KNSTRN: variants seen among roughly 807,000 people sequenced by gnomAD.
KNSTRN encodes the protein kinetochore localized astrin (SPAG5) binding protein, also known as small kinetochore-associated protein.
A neutral mutation model predicts 44.7 loss-of-function variants in KNSTRN; 38 were observed. The observed-to-expected ratio is 0.85, with a 90% CI of 0.66 to 1.11. The LOEUF is 1.11. Among genes scored for constraint, KNSTRN ranks in the 50% most tolerant of loss-of-function variants. The pLI, the probability that KNSTRN is intolerant of heterozygous loss-of-function variation, is 0.00. For missense variants in KNSTRN, 406 were observed against 375.8 expected, an observed-to-expected ratio of 1.08 and a Z score of -0.66; for synonymous variants, 158 against 148.1, an observed-to-expected ratio of 1.07 and a Z score of -0.48.
intron 2 of KNSTRN, 24 bp downstream of exon 2, chr15:40,383,346 G>A (rs377182296): frequency 1.3e-5 from 21 of 1,580,270 alleles, no homozygotes; most frequent in Non-Finnish European, 1.8e-5. Flanking sequence ...CCACGCCCGG[G>A]GCACTGCGGC....
In KNSTRN at chr15:40,393,941, C is replaced by G. The variant is rs137878630; in HGVS notation, c.*344C>G. The G allele has an allele frequency of 3.5e-4, 63 of 178,346 alleles. No individual in the cohort carries two copies. Among genetic ancestry groups the G allele is most frequent in the Admixed American group, 5.8e-4 (10 of 17,156 alleles). The allele number at this position is 178,346 out of a possible 1,614,324, so 11.0% of individuals were successfully genotyped here. A position where few individuals can be genotyped will look rare whatever the true frequency, so the allele number is the denominator to read the frequency against. ...CCAACAACCAGAGGATCTAAAATGT[C>G]ACATTCAGATTTTCAGGAAGAAAAT... is the stretch of plus-strand genomic sequence containing the variant. On this transcript the variant is annotated 3_prime_UTR_variant, in exon 9 of 9. Transcript: ENST00000249776.
rs1443279758 is a variant in KNSTRN at position 40,389,609 on chromosome 15, CA to C, written c.590del (p.Gln197ArgfsTer4). Reference sequence around the variant, plus strand: ...GTTGCACCAGAAGTTGACTGAAACTCAGGTAAGAGACCCACCAGAGCTCTGT... The same window carrying C: ...GTTGCACCAGAAGTTGACTGAAACTCGGTAAGAGACCCACCAGAGCTCTGT... The part of the protein sequence containing the change: ...KQLHQKLTET[Q>X]GELKDLTQKV... On this transcript the variant is annotated frameshift_variant and splice_region_variant, in exon 5 of 9. Coordinates refer to ENST00000249776, the MANE Select transcript of KNSTRN (RefSeq NM_033286.4). LOFTEE classifies it high-confidence loss of function. The C allele has an allele frequency of 6.2e-7, 1 of 1,607,686 alleles. No homozygotes were observed. The highest frequency in any genetic ancestry group is 8.5e-7 in the Non-Finnish European group (1 of 1,174,198).
At chr15:40,385,758 C>T (rs1482810919) in intron 2 of KNSTRN, among the ~76,000 whole-genome samples, 1 of 152,178 alleles carries the variant, frequency 6.6e-6, no homozygotes, top group African/African-American at 2.4e-5. Context: ...GTTTTACCTG[C>T]TAACTTCCAC....
chr15:40,383,299 C>T lies in KNSTRN; in HGVS notation c.281C>T (p.Ala94Val). 6.2e-7 allele frequency: 1 copy of T among 1,612,842 alleles called. No individual in the cohort carries two copies. ...KTVYSLQPPS[A>V]LSGGQPADTQ... is the part of the protein sequence containing the mutation. ...GTGTATAGCCTGCAGCCCCCCTCTG[C>T]GCTGAGCGGCGGCCAGCCGGCAGGT... The change falls in exon 2 of 9, where the codon GCG becomes GTG. Residue 94 changes from alanine to valine, a missense_variant. Ala to Val is a moderately conservative substitution (Grantham distance 64). Coordinates refer to ENST00000249776, the MANE Select transcript of KNSTRN (RefSeq NM_033286.4).
intron 3 of KNSTRN, 72 bp from the exon 4 acceptor site, chr15:40,387,083 CTTTG>C: frequency 9.1e-7 from 1 of 1,102,092 alleles, no homozygotes; most frequent in Admixed American, 1.9e-5. Flanking sequence ...AACTCAAGCT[CTTTG>C]TTCTGCCTGT....
In KNSTRN at chr15:40,389,557, C is replaced by T. The variant is rs777168755; in HGVS notation, c.537C>T (p.Asn179=). ...CAGAGGAAGAGCTCAAGGACAAGAA[C>T]CAGCTGTTAGAAGCCGTCAACAAGC... ...QKSEEELKDK[N]QLLEAVNKQL... Residue 179 remains asparagine (N), a synonymous_variant, in exon 5 of 9, where the codon AAC becomes AAT. Transcript: ENST00000249776. 1.9e-6 allele frequency: 3 copies of T among 1,614,136 alleles called. No individual in the cohort carries two copies. Among genetic ancestry groups the T allele is most frequent in the Non-Finnish European group, 1.7e-6 (2 of 1,180,012 alleles).
rs527507182 is a variant in KNSTRN, at chr15:40,385,132, G to A, written c.305-1230G>A. On this transcript the variant is annotated intron_variant, in intron 2 of 8. Coordinates refer to ENST00000249776, the MANE Select transcript of KNSTRN (RefSeq NM_033286.4). ...TGCATTTCTTCAATTTGATTTGATT[G>A]TAATGGCTCTTAAGTTAGGTCAAAC... Among the ~76,000 whole-genome samples, 90 of 152,298 alleles carry A rather than the reference G, an allele frequency of 5.9e-4. 2 individuals carry two copies. The highest frequency in any genetic ancestry group is 2.1e-3 in the African/African-American group (86 of 41,558).
rs115344155 is a variant in KNSTRN at position 40,389,493 on chromosome 15, A to G, written c.486-13A>G. ...CCTTTTATCTTTTCATGTAAGTACA[A>G]CTATTATTACAGCTACAAACCACTG... is the stretch of plus-strand genomic sequence containing the variant. On this transcript the variant is annotated splice_polypyrimidine_tract_variant and intron_variant, in intron 4 of 8. Coordinates refer to ENST00000249776, the MANE Select transcript of KNSTRN (RefSeq NM_033286.4). The G allele has an allele frequency of 1.7e-3, 2,735 of 1,597,456 alleles. 45 individuals carry two copies. In the African/African-American group the frequency reaches 0.033, roughly 19 times the overall value.
intron 2 of KNSTRN, chr15:40,384,742 GAA>G (rs371749532): frequency 1.1e-4 from 18 of 163,212 alleles, no homozygotes; most frequent in South Asian, 4.0e-4. Context: ...ATGCACATGT[GAA>G]AAAAAAAAAG....
At chr15:40,389,707 C>T (rs1889966063) in intron 5 of KNSTRN, 96 bp downstream of exon 5, 2 of 1,285,608 alleles carry the variant, frequency 1.6e-6, no homozygotes, top group Admixed American at 1.8e-5. Context: ...CTTGTTAATG[C>T]ACAGATGCCC....
chr15:40,387,087 GT>G, intron 3 of KNSTRN, 71 bp from the exon 4 acceptor site: 1 of 1,128,528 alleles, frequency 8.9e-7, no homozygotes, highest in Non-Finnish European at 1.3e-6. Context: ...CAAGCTCTTT[GT>G]TCTGCCTGTT....
At chr15:40,387,259 A>G in intron 4 of KNSTRN, 53 bp downstream of exon 4, 3 of 1,351,720 alleles carry the variant, frequency 2.2e-6, no homozygotes, top group South Asian at 2.4e-5. Flanking sequence ...GTGGATCTCA[A>G]TCCTTGGTTC....
chr15:40,383,469 GT>G (rs1450930462), intron 2 of KNSTRN, 147 bp downstream of exon 2: 2 of 613,592 alleles, frequency 3.3e-6, no homozygotes, highest in East Asian at 5.5e-5. Context: ...GGCTATGTAG[GT>G]TTATGATGGG....
intron 8 of KNSTRN, among the ~76,000 whole-genome samples, chr15:40,392,290 CA>C (rs1431394314): frequency 6.6e-6 from 1 of 151,964 alleles, no homozygotes; most frequent in Non-Finnish European, 1.5e-5. Flanking sequence ...CAGATCATCC[CA>C]TCACCTAGGT....
intron 4 of KNSTRN, chr15:40,389,130 C>T: frequency 2.2e-6 from 1 of 454,112 alleles, no homozygotes; most frequent in Non-Finnish European, 4.4e-6. Flanking sequence ...GTTTGTGTAA[C>T]TCTGTAGGCC....
chr15:40,393,056 G>A, intron 8 of KNSTRN: 1 of 739,816 alleles, frequency 1.4e-6, no homozygotes, highest in Non-Finnish European at 2.2e-6. Context: ...CATCACCAAG[G>A]CATGAGGCAA....
rs1889831529 is a variant in KNSTRN at position 40,382,875 on chromosome 15, C to G, written c.40C>G (p.Arg14Gly). The G allele has an allele frequency of 6.2e-7, 1 of 1,612,232 alleles. No homozygotes were observed. Among genetic ancestry groups the G allele is most frequent in the South Asian group, 1.1e-5 (1 of 90,998 alleles). The change falls in exon 1 of 9, where the codon CGT (arginine) becomes GGT (glycine). Residue 14 changes from arginine to glycine, a missense_variant. Arg to Gly is a moderately radical substitution (Grantham distance 125). Transcript: ENST00000249776. ...PEAPPLDRVFRTTWLSTECDS... is the reference protein window; with the variant it reads ...PEAPPLDRVFGTTWLSTECDS... ...AGCCCCGCCCCTGGACAGAGTTTTC[C>G]GTACAACATGGCTGTCTACAGAGTG...
intron 2 of KNSTRN, 87 bp downstream of exon 2, chr15:40,383,409 G>C (rs923311115): frequency 2.0e-6 from 2 of 998,524 alleles, no homozygotes; most frequent in Admixed American, 2.2e-5. Context: ...GCGCGGGCAC[G>C]GGGAAGGGCG....
At chr15:40,386,257 G>A (rs960597329) in intron 2 of KNSTRN, 105 bp from the exon 3 acceptor site, 3 of 1,200,334 alleles carry the variant, frequency 2.5e-6, no homozygotes, top group African/African-American at 1.5e-5. Flanking sequence ...TTAAAATAAA[G>A]TAAAATAAAG....
Sources: gnomAD v4.1 joint callset for allele counts (sites outside exome capture counted in the v4.1 genomes callset) on GRCh38, gnomAD v4.1.1 for gene constraint, MANE v1.5 for transcripts, NCBI Gene and HGNC (gene_info 2026-07-23, HGNC 2026-07-21) for gene names.